STIM2: variants seen among roughly 807,000 people sequenced by gnomAD.
The protein encoded by STIM2 is stromal interaction molecule 2.
STIM2 carries 31 observed loss-of-function variants against 85.8 expected under a neutral mutation model. The observed-to-expected ratio is 0.36, with a 90% CI of 0.27 to 0.49. STIM2 has a LOEUF of 0.49. Ranked by LOEUF, STIM2 falls within the 20% of genes least tolerant of loss-of-function variation. The pLI is 0.98. For missense variants in STIM2, 841 were observed against 927.6 expected (o/e 0.91, Z 1.21); for synonymous variants, 356 against 331.1 (o/e 1.08, Z -0.82).
rs1484018770 is a variant in STIM2 at position 27,025,357 on chromosome 4, T to C, written c.*2361T>C. 6.7e-6 allele frequency: 1 copy of C among 150,152 alleles called. No homozygotes were observed. The highest frequency in any genetic ancestry group is 1.5e-5 in the Non-Finnish European group (1 of 67,752). 9.3% of individuals were successfully genotyped at this position (150,152 alleles called of 1,614,324 possible). On this transcript the variant is annotated 3_prime_UTR_variant, in exon 12 of 12. Transcript: ENST00000467087. The stretch of plus-strand genomic sequence containing the variant: ...TTAAAATTATGGTGTTTTCCTGATT[T>C]TAAAAGCAATATTTTCCTTACTGTA...
chr4:26,864,987 A>G (rs1722346159), intron 1 of STIM2, among the ~76,000 whole-genome samples: 1 of 152,160 alleles, frequency 6.6e-6, no homozygotes, highest in Non-Finnish European at 1.5e-5. Context: ...GCTTTCAGTA[A>G]TATTTTACAA....
chr4:26,900,425 C>T (rs1260866688), intron 1 of STIM2, among the ~76,000 whole-genome samples: 2 of 152,134 alleles, frequency 1.3e-5, no homozygotes, highest in African/African-American at 4.8e-5. Flanking sequence ...ATAATTAAAA[C>T]TGCTGTCAAA....
At chr4:26,914,803 A>G (rs1287348014) in intron 1 of STIM2, among the ~76,000 whole-genome samples, 1 of 152,218 alleles carries the variant, frequency 6.6e-6, no homozygotes. Context: ...ATTAAAGTGG[A>G]GATAGATTAT....
chr4:26,961,761 G>A (rs1246508908), intron 3 of STIM2, among the ~76,000 whole-genome samples: 3 of 151,908 alleles, frequency 2.0e-5, no homozygotes, highest in South Asian at 2.1e-4. Flanking sequence ...CTCCCCCATG[G>A]CATCTTTTTT....
At chr4:26,884,743 A>T (rs1723149585) in intron 1 of STIM2, among the ~76,000 whole-genome samples, 1 of 152,216 alleles carries the variant, frequency 6.6e-6, no homozygotes, top group African/African-American at 2.4e-5. Flanking sequence ...TTGAGTACTT[A>T]CGTATATCAG....
At chr4:27,002,900 G>T in intron 6 of STIM2, 27 bp from the exon 7 acceptor site, 1 of 1,475,568 alleles carries the variant, frequency 6.8e-7, no homozygotes, top group Non-Finnish European at 8.9e-7. Context: ...TTTTTGTGAG[G>T]AATTTTTATT....
chr4:26,991,870 C>G (rs1727779585), intron 3 of STIM2, among the ~76,000 whole-genome samples: 1 of 151,976 alleles, frequency 6.6e-6, no homozygotes, highest in Non-Finnish European at 1.5e-5. Context: ...ACCTGTAGCA[C>G]TGGCCACAAC....
intron 2 of STIM2, among the ~76,000 whole-genome samples, chr4:26,932,973 C>T (rs1005178811): frequency 3.9e-5 from 6 of 152,038 alleles, no homozygotes; most frequent in Non-Finnish European, 7.4e-5. Flanking sequence ...ACATGAGAGA[C>T]TAGAAGTGAG....
chr4:26,916,390 A>G (rs976965802), intron 1 of STIM2, among the ~76,000 whole-genome samples: 26 of 152,158 alleles, frequency 1.7e-4, no homozygotes, highest in African/African-American at 6.3e-4. Context: ...TGTTCCTTGG[A>G]GGCATGGTCT....
intron 1 of STIM2, among the ~76,000 whole-genome samples, chr4:26,917,964 A>T (rs907119131): frequency 7.2e-5 from 11 of 152,170 alleles, no homozygotes; most frequent in Non-Finnish European, 1.6e-4. Flanking sequence ...ATTAGGGATC[A>T]TGATTGACCA....
intron 4 of STIM2, among the ~76,000 whole-genome samples, chr4:26,997,550 A>G (rs1728004424): frequency 1.3e-5 from 2 of 152,190 alleles, no homozygotes; most frequent in Admixed American, 1.3e-4. Context: ...CTCATATTGA[A>G]TCTCGCATAA....
At chr4:27,016,076 T>C (rs1484226490) in intron 10 of STIM2, among the ~76,000 whole-genome samples, 2 of 152,136 alleles carry the variant, frequency 1.3e-5, no homozygotes, top group Non-Finnish European at 2.9e-5. Flanking sequence ...TTACTAATTA[T>C]TTCTTCAGTT....
At chr4:26,944,849 A>G (rs1369592152) in intron 2 of STIM2, among the ~76,000 whole-genome samples, 2 of 152,232 alleles carry the variant, frequency 1.3e-5, no homozygotes, top group African/African-American at 4.8e-5. Flanking sequence ...AGGTGGTTCA[A>G]TAAAGATTTT....
At chr4:26,908,945 G>A (rs566686990) in intron 1 of STIM2, among the ~76,000 whole-genome samples, 3 of 152,198 alleles carry the variant, frequency 2.0e-5, no homozygotes, top group Non-Finnish European at 4.4e-5. Flanking sequence ...CAGGCATGTT[G>A]GCTCATGCCT....
In STIM2 at chr4:27,025,340, A is replaced by G. The variant is rs574207016; in HGVS notation, c.*2344A>G. On this transcript the variant is annotated 3_prime_UTR_variant, in exon 12 of 12. Transcript: ENST00000467087. ...TTTGTTACTTTAACATTTTAAAATTATGGTGTTTTCCTGATTTTAAAAGCA... is the reference window on the plus strand; with the variant it reads ...TTTGTTACTTTAACATTTTAAAATTGTGGTGTTTTCCTGATTTTAAAAGCA... 15 of 150,346 alleles carry G rather than the reference A, an allele frequency of 1.0e-4. No homozygotes were observed. The East Asian group carries it at 3.0e-3, about 30-fold the overall frequency. 9.3% of individuals were successfully genotyped at this position (150,346 alleles called of 1,614,324 possible).
chr4:26,974,404 C>T (rs1342902337), intron 3 of STIM2, among the ~76,000 whole-genome samples: 3 of 152,172 alleles, frequency 2.0e-5, no homozygotes, highest in Non-Finnish European at 4.4e-5. Context: ...GTGCTTCCTT[C>T]AGGAGCTCTT....
chr4:26,901,213 TA>T (rs1014701560), intron 1 of STIM2, among the ~76,000 whole-genome samples: 2 of 152,214 alleles, frequency 1.3e-5, no homozygotes, highest in African/African-American at 4.8e-5. Context: ...CAGTAAGTTT[TA>T]AAAATTTTTA....
At chr4:27,004,128 G>T (rs1728252846) in intron 7 of STIM2, among the ~76,000 whole-genome samples, 1 of 152,108 alleles carries the variant, frequency 6.6e-6, no homozygotes, top group African/African-American at 2.4e-5. Context: ...AATGACATAA[G>T]GTCAACTCAT....
chr4:26,994,567 A>C (rs1429027160), intron 3 of STIM2, among the ~76,000 whole-genome samples: 1 of 152,108 alleles, frequency 6.6e-6, no homozygotes. Context: ...TATCATGAAC[A>C]ATCTATTCTC....
Sources: gnomAD v4.1 joint callset for allele counts (sites outside exome capture counted in the v4.1 genomes callset) on GRCh38, gnomAD v4.1.1 for gene constraint, MANE v1.5 for transcripts, NCBI Gene and HGNC (gene_info 2026-07-23, HGNC 2026-07-21) for gene names.